Variants in SZT2 observed in about 807,000 individuals in gnomAD.
SZT2 encodes KICSTOR complex protein SZT2.
A neutral mutation model predicts 404.2 loss-of-function variants in SZT2; 216 were observed. The observed-to-expected ratio is 0.53, with a 90% CI of 0.48 to 0.60. The LOEUF is 0.60. Ranked by LOEUF, SZT2 falls within the 20% of genes least tolerant of loss-of-function variation. The probability of loss-of-function intolerance (pLI) is 0.00; values close to 1 mark genes in which losing one functional copy is unlikely to be tolerated. For synonymous variants in SZT2, 1,693 were observed against 1,749.9 expected (o/e 0.97, Z 0.81); for missense variants, 3,857 against 4,459.2 (o/e 0.86, Z 3.85).
rs112135620 is a variant in SZT2, at chr1:43,433,227, A to G, written c.5804+37A>G. 88 of 1,601,202 alleles carry G rather than the reference A, an allele frequency of 5.5e-5. 2 individuals carry two copies. The African/African-American group carries it at 8.7e-4, about 16-fold the overall frequency. On this transcript the variant is annotated intron_variant, in intron 40 of 71. Coordinates refer to ENST00000634258, the MANE Select transcript of SZT2 (RefSeq NM_001365999.1). The stretch of plus-strand genomic sequence containing the variant: ...CCAGGGCCTGCACCCTCATGCTCCC[A>G]TTAACCTCTTCTCTCTGCTCCCACA...
rs1334563130 is a variant in SZT2 at position 43,442,216 on chromosome 1, T to A, written c.7874-52T>A. The A allele has an allele frequency of 6.3e-7, 1 of 1,599,908 alleles. No homozygotes were observed. The highest frequency in any genetic ancestry group is 8.5e-7 in the Non-Finnish European group (1 of 1,172,442). ...CAACCTTGCAGAGGGGAGGGTGGGATCAAGGGGGATCTGTTCCCAGGCCCC... is the reference window on the plus strand; with the variant it reads ...CAACCTTGCAGAGGGGAGGGTGGGAACAAGGGGGATCTGTTCCCAGGCCCC... On this transcript the variant is annotated intron_variant, in intron 56 of 71. Coordinates refer to ENST00000634258, the MANE Select transcript of SZT2 (RefSeq NM_001365999.1). The surrounding 1 kb of genome is among the most constrained non-coding windows in gnomAD (Gnocchi z 4.5).
In SZT2 at chr1:43,453,107, C is replaced by G. The variant is rs1342303385; in HGVS notation, c.*2627C>G. On this transcript the variant is annotated 3_prime_UTR_variant, in exon 72 of 72. Coordinates refer to ENST00000634258, the MANE Select transcript of SZT2 (RefSeq NM_001365999.1). ...CACAGCTTCCTGGAATAGGCCTGTC[C>G]TCAAATGCATCACTGTATATATTTA... is the stretch of plus-strand genomic sequence containing the variant. The G allele has an allele frequency of 1.3e-6, 1 of 751,560 alleles. No individual in the cohort carries two copies. The highest frequency in any genetic ancestry group is 2.0e-5 in the Admixed American group (1 of 49,470). 46.6% of individuals were successfully genotyped at this position (751,560 alleles called of 1,614,324 possible). A position where few individuals can be genotyped will look rare whatever the true frequency, so the allele number is the denominator to read the frequency against.
chr1:43,447,168 G>C lies in SZT2; in HGVS notation c.9286G>C (p.Gly3096Arg). 1 of 1,610,188 alleles carries C rather than the reference G, an allele frequency of 6.2e-7. No individual in the cohort carries two copies. Among genetic ancestry groups the C allele is most frequent in the Non-Finnish European group, 8.5e-7 (1 of 1,179,016 alleles). ...PHFGRNHIYQ[G>R]TLELPTPLIA... ...CTTTGGCCGCAATCACATTTACCAA[G>C]GTCAGTGCCCAAGGGCAAGCCAGTG... Residue 3096 changes from glycine (G) to arginine (R), a missense_variant and splice_region_variant, in exon 66 of 72, where the codon GGG becomes CGG. Around this residue, in one of 7 missense-constraint regions of SZT2, gnomAD observed 717 missense variants for 868.2 expected, o/e 0.83. Coordinates refer to ENST00000634258, the MANE Select transcript of SZT2 (RefSeq NM_001365999.1).
At position 43,430,780 on chromosome 1, in the gene SZT2, A is replaced by G. The variant is rs1348292126; in HGVS notation, c.4765A>G (p.Thr1589Ala). 3.1e-6 allele frequency: 5 copies of G among 1,607,984 alleles called. No homozygotes were observed. Among genetic ancestry groups the G allele is most frequent in the Non-Finnish European group, 4.2e-6 (5 of 1,177,160 alleles). ...CTCAGTACCTGTGTGCAGCCTGCCT[A>G]CCTGCCTGGGTGAGTTTGAGGCAGC... Reference protein sequence around the residue: ...HSSVPVCSLPTCLGQVLSSLE... With the variant: ...HSSVPVCSLPACLGQVLSSLE... The change falls in exon 32 of 72, where the codon ACC becomes GCC. Residue 1589 changes from threonine (T) to alanine (A), a missense_variant. Thr to Ala is a moderately conservative substitution (Grantham distance 58). Around this residue, in one of 7 missense-constraint regions of SZT2, gnomAD observed 1,725 missense variants for 1,881.0 expected, o/e 0.92. Coordinates refer to ENST00000634258, the MANE Select transcript of SZT2 (RefSeq NM_001365999.1).
Position 43,427,424 on chromosome 1 carries a change from C to G in SZT2, c.3577C>G (p.Leu1193Val). Residue 1193 changes from leucine (L) to valine (V), a missense_variant, in exon 25 of 72, where the codon CTC becomes GTC. Leu to Val is a conservative substitution (Grantham distance 32, BLOSUM62 1). Transcript: ENST00000634258. ...AGCTACAAAGTCCCACGTCCCTGTC[C>G]TCAGTGTGACCCTGGCTAGTGGTAA... ...IKATKSHVPV[L>V]SVTLASDNAQ... 6.2e-7 allele frequency: 1 copy of G among 1,613,222 alleles called. No individual in the cohort carries two copies. The highest frequency in any genetic ancestry group is 8.5e-7 in the Non-Finnish European group (1 of 1,179,398).
chr1:43,390,104 G>A, intron 1 of SZT2, 109 bp downstream of exon 1: 1 of 1,261,976 alleles, frequency 7.9e-7, no homozygotes, highest in Non-Finnish European at 1.0e-6. Flanking sequence ...GGGCTGCGTA[G>A]CCTCGGCAGG....
chr1:43,421,251 G>C lies in SZT2; in HGVS notation c.1574G>C (p.Ser525Thr). The C allele has an allele frequency of 6.3e-7, 1 of 1,598,578 alleles. No homozygotes were observed. Among genetic ancestry groups the C allele is most frequent in the South Asian group, 1.1e-5 (1 of 91,084 alleles). ...SVPEHFTLPD[S>T]TKSGVPLFYI... ...CCTGAGCATTTCACGCTTCCTGACA[G>C]CACCAAGAGCGGAGTGCCACTCTTC... is the stretch of plus-strand genomic sequence containing the variant. Residue 525 changes from serine to threonine, a missense_variant, in exon 11 of 72, where the codon AGC becomes ACC. Coordinates refer to ENST00000634258, the MANE Select transcript of SZT2 (RefSeq NM_001365999.1).
intron 15 of SZT2, among the ~76,000 whole-genome samples, chr1:43,423,939 A>G: frequency 6.7e-6 from 1 of 148,956 alleles, no homozygotes. Context: ...TCAGTGGTAC[A>G]GAGATGTGGA....
In SZT2 at chr1:43,451,386, C is replaced by A; in HGVS notation, c.*906C>A. 6.2e-7 allele frequency: 1 copy of A among 1,612,022 alleles called. No individual in the cohort carries two copies. The highest frequency in any genetic ancestry group is 2.2e-5 in the East Asian group (1 of 44,868). On this transcript the variant is annotated 3_prime_UTR_variant, in exon 72 of 72. Transcript: ENST00000634258. Reference sequence around the variant, plus strand: ...CCCCTGTCCGGGTCCCTCCAGAGCTCCCTTCCCCAGGGCCACGCCTCACCT... The same window carrying A: ...CCCCTGTCCGGGTCCCTCCAGAGCTACCTTCCCCAGGGCCACGCCTCACCT...
chr1:43,400,607 C>T (rs1047866819), intron 1 of SZT2, among the ~76,000 whole-genome samples: 2 of 152,212 alleles, frequency 1.3e-5, no homozygotes, highest in East Asian at 1.9e-4. Flanking sequence ...CGTGGTGGCT[C>T]ACGCCTGTAA....
chr1:43,416,145 A>G (rs762540862), intron 6 of SZT2, 44 bp downstream of exon 6: 7 of 1,587,418 alleles, frequency 4.4e-6, no homozygotes, highest in South Asian at 1.1e-5. Context: ...GCAGGGATAC[A>G]GGAAGGGTGG....
rs936050485 is a variant in SZT2, at chr1:43,442,261, C to A, written c.7874-7C>A. The stretch of plus-strand genomic sequence containing the variant: ...GGCCCCTATTGTGCCCCTCCCCCAC[C>A]CTGTAGCTGCCAAAGCCATGCAGCG... On this transcript the variant is annotated splice_polypyrimidine_tract_variant and splice_region_variant and intron_variant, in intron 56 of 71. Transcript: ENST00000634258. The surrounding 1 kb of genome is among the most constrained non-coding windows in gnomAD (Gnocchi z 4.5). 1.2e-6 allele frequency: 2 copies of A among 1,611,738 alleles called. No homozygotes were observed. The highest frequency in any genetic ancestry group is 1.7e-6 in the Non-Finnish European group (2 of 1,178,804).
rs1652635239 is a variant in SZT2 at position 43,423,221 on chromosome 1, C to T, written c.2160C>T (p.Pro720=). 1 of 1,595,828 alleles carries T rather than the reference C, an allele frequency of 6.3e-7. No homozygotes were observed. The highest frequency in any genetic ancestry group is 8.5e-7 in the Non-Finnish European group (1 of 1,178,342). Residue 720 remains proline (P), a synonymous_variant, in exon 15 of 72, where the codon CCC becomes CCT. Transcript: ENST00000634258. ...GLGGAGGGSS[P]SKSPPVLGPQ... is the part of the protein sequence containing the mutation. ...GGGGTGCTGGTGGGGGCAGCTCTCC[C>T]TCCAAGTCACCCCCCGTGCTGGGGC...
chr1:43,407,516 CA>C (rs34259315), intron 4 of SZT2, among the ~76,000 whole-genome samples: 32 of 137,492 alleles, frequency 2.3e-4, no homozygotes, highest in South Asian at 6.9e-4. Flanking sequence ...ACTCTGTCTC[CA>C]AAAAAAAAAA....
At chr1:43,401,894 T>G (rs979588092) in intron 1 of SZT2, among the ~76,000 whole-genome samples, 2 of 152,200 alleles carry the variant, frequency 1.3e-5, no homozygotes, top group African/African-American at 4.8e-5. Flanking sequence ...CCAGTACCTC[T>G]TTCTGTATCT....
Position 43,452,257 on chromosome 1 carries a change from A to AT in SZT2, c.*1778dup, listed in dbSNP as rs1656521187. The AT allele has an allele frequency of 6.2e-7, 1 of 1,614,050 alleles. No individual in the cohort carries two copies. On this transcript the variant is annotated 3_prime_UTR_variant, in exon 72 of 72. Transcript: ENST00000634258. ...CAGGTTCTCCAGAAAAACGGCCTCC[A>AT]TCTCAGCCTTGACTGCTATTCGATC...
rs372353520 is a variant in SZT2, at chr1:43,432,463, G to C, written c.5442+24G>C. Reference sequence around the variant, plus strand: ...AGGTGAGTCTCACCTGGGAATGGAGGGGGGTGGTGGGTGTGTGGGGCCTAT... The same window carrying C: ...AGGTGAGTCTCACCTGGGAATGGAGCGGGGTGGTGGGTGTGTGGGGCCTAT... On this transcript the variant is annotated intron_variant, in intron 37 of 71. Transcript: ENST00000634258. The C allele has an allele frequency of 3.5e-5, 55 of 1,562,864 alleles. No individual in the cohort carries two copies. In the South Asian group the frequency reaches 3.5e-4, roughly 10 times the overall value.
intron 1 of SZT2, among the ~76,000 whole-genome samples, chr1:43,399,603 A>C: frequency 6.6e-6 from 1 of 151,424 alleles, no homozygotes; most frequent in Non-Finnish European, 1.5e-5. Context: ...CTGGGACTAC[A>C]GGCACCCGCC....
In SZT2 at chr1:43,448,182, G is replaced by A. The variant is rs755360632; in HGVS notation, c.9667G>A (p.Glu3223Lys). 3 of 1,611,768 alleles carry A rather than the reference G, an allele frequency of 1.9e-6. No individual in the cohort carries two copies. The highest frequency in any genetic ancestry group is 2.5e-6 in the Non-Finnish European group (3 of 1,178,764). ...RKPPRLPPEP[E>K]APGSSAGSPG... ...GCCACCCAGACTGCCCCCTGAGCCA[G>A]AGGCTCCTGGGAGTTCAGCTGGCAG... is the stretch of plus-strand genomic sequence containing the variant. Residue 3223 changes from glutamate to lysine, a missense_variant, in exon 69 of 72, where the codon GAG (glutamate) becomes AAG (lysine). Physicochemically the swap from Glu to Lys is moderately conservative, Grantham distance 56. Around this residue, in one of 7 missense-constraint regions of SZT2, gnomAD observed 717 missense variants for 868.2 expected, o/e 0.83. Coordinates refer to ENST00000634258, the MANE Select transcript of SZT2 (RefSeq NM_001365999.1). The surrounding 1 kb of genome is among the most constrained non-coding windows in gnomAD (Gnocchi z 4.2).
Sources: gnomAD v4.1 joint callset for allele counts (sites outside exome capture counted in the v4.1 genomes callset) on GRCh38, gnomAD v4.1.1 for gene constraint, gnomAD v4.1.1 regional missense constraint, Gnocchi (gnomAD v3.1) non-coding constraint, MANE v1.5 for transcripts, NCBI Gene and HGNC (gene_info 2026-07-23, HGNC 2026-07-21) for gene names.